The following SOD2 variants were observed in gnomAD, a reference collection of about 807,000 sequenced individuals.
SOD2 encodes superoxide dismutase [Mn], mitochondrial.
In SOD2, 11 loss-of-function variants were observed where a neutral mutation model predicts 27.0. The observed-to-expected ratio is 0.41, with a 90% CI of 0.26 to 0.67. The LOEUF is 0.67. SOD2 is among the 30% of genes least tolerant of loss of function. The pLI is 0.34. For synonymous variants in SOD2, 105 were observed against 103.0 expected (o/e 1.02, Z -0.12); for missense variants, 250 against 274.5 (o/e 0.91, Z 0.63).
At chr6:159,700,024 T>TA (rs1777496271) in intron 1 of SOD2, among the ~76,000 whole-genome samples, 1 of 152,254 alleles carries the variant, frequency 6.6e-6, no homozygotes, top group Non-Finnish European at 1.5e-5. Flanking sequence ...CATCTGCATT[T>TA]ACCCTCTGGT....
intron 1 of SOD2, among the ~76,000 whole-genome samples, chr6:159,732,885 T>TTGTGTG (rs1562452331): frequency 2.1e-4 from 12 of 56,914 alleles, no homozygotes; most frequent in Admixed American, 1.1e-3. Flanking sequence ...TATATATATA[T>TTGTGTG]AGTGTGTGTG....
At chr6:159,748,596 G>C, upstream of SOD2, 5 of 1,360,050 alleles carry the variant, frequency 3.7e-6, no homozygotes, top group South Asian at 4.2e-5. This position sits in a 1 kb window ranked among gnomAD's most constrained non-coding sequence, Gnocchi z 5.6. Flanking sequence ...TCAGAGGCCT[G>C]ATGGCGTCGG....
chr6:159,719,375 G>A (rs535776967), intron 1 of SOD2, among the ~76,000 whole-genome samples: 1 of 152,152 alleles, frequency 6.6e-6, no homozygotes, highest in African/African-American at 2.4e-5. Context: ...CTCTACTCAT[G>A]TCTCTAGCTG....
chr6:159,692,932 G>C, intron 1 of SOD2, 69 bp from the exon 2 acceptor site: 1 of 1,406,296 alleles, frequency 7.1e-7, no homozygotes, highest in Non-Finnish European at 9.4e-7. Context: ...GGGCTGCCGA[G>C]GAACGGCAGC....
rs577591293 is a variant in SOD2 at position 159,712,040 on chromosome 6, T to A, written c.-116+15089A>T. Among the ~76,000 whole-genome samples the A allele has an allele frequency of 4.0e-3, 80 of 20,026 alleles. 6 individuals are homozygous for A. The highest frequency in any genetic ancestry group is 8.5e-3 in the South Asian group (3 of 352). The allele number at this position is 20,026 out of a possible 152,430, so 13.1% of individuals were successfully genotyped here. On this transcript the variant is annotated intron_variant, in intron 1 of 2. Coordinates refer to the SOD2 transcript ENST00000401980. ...AACCACCACTCACACTGCTCAGACCTCCATAACCACCTCCATAACCACCAC... is the reference window on the plus strand; with the variant it reads ...AACCACCACTCACACTGCTCAGACCACCATAACCACCTCCATAACCACCAC...
At chr6:159,692,518 G>C (rs1292013767) in intron 2 of SOD2, 143 bp downstream of exon 2, 3 of 1,471,982 alleles carry the variant, frequency 2.0e-6, no homozygotes, top group Non-Finnish European at 2.7e-6. Flanking sequence ...GTTTAAAAGA[G>C]AGACTATCGT....
upstream of SOD2, among the ~76,000 whole-genome samples, chr6:159,729,296 G>A (rs184313790): frequency 2.0e-5 from 3 of 152,210 alleles, no homozygotes; most frequent in African/African-American, 7.2e-5. Flanking sequence ...TAGTATTTTG[G>A]TTTTATTCTT....
chr6:159,730,667 G>A (rs1235831175), upstream of SOD2, among the ~76,000 whole-genome samples: 2 of 152,208 alleles, frequency 1.3e-5, no homozygotes, highest in Non-Finnish European at 2.9e-5. Context: ...GATTAAAGTT[G>A]AGGAAGGATT....
intron 1 of SOD2, among the ~76,000 whole-genome samples, chr6:159,705,362 A>T (rs940617922): frequency 1.3e-5 from 2 of 152,210 alleles, no homozygotes; most frequent in African/African-American, 2.4e-5. Context: ...CAAAGAAGTT[A>T]AAAACCATGA....
At chr6:159,698,254 C>T, upstream of SOD2, among the ~76,000 whole-genome samples, 1 of 150,596 alleles carries the variant, frequency 6.6e-6, no homozygotes. Context: ...GCCTGGGCGA[C>T]AGAGTGGGAC....
chr6:159,720,946 C>T (rs948581124), intron 1 of SOD2, among the ~76,000 whole-genome samples: 2 of 143,250 alleles, frequency 1.4e-5, no homozygotes, highest in Non-Finnish European at 3.0e-5. Context: ...AACCTCTGCT[C>T]CTGGGTTCAA....
intron 2 of SOD2, among the ~76,000 whole-genome samples, chr6:159,688,998 A>G (rs933314151): frequency 5.9e-5 from 9 of 152,272 alleles, no homozygotes; most frequent in African/African-American, 1.9e-4. Flanking sequence ...TGGTGCCACT[A>G]TCCCCTCAGT....
At chr6:159,705,533 CAAAT>C (rs1177432668) in intron 1 of SOD2, among the ~76,000 whole-genome samples, 1 of 151,878 alleles carries the variant, frequency 6.6e-6, no homozygotes, top group Non-Finnish European at 1.5e-5. Flanking sequence ...GATTGAAGAT[CAAAT>C]GAATGAAATG....
upstream of SOD2, among the ~76,000 whole-genome samples, chr6:159,729,418 TCATTGTG>T (rs1245490246): frequency 1.3e-5 from 2 of 152,228 alleles, no homozygotes; most frequent in East Asian, 3.8e-4. Context: ...ATAGTAAACT[TCATTGTG>T]TATTGTGTAT....
chr6:159,745,861 G>A (rs910926915), upstream of SOD2, among the ~76,000 whole-genome samples: 1 of 152,148 alleles, frequency 6.6e-6, no homozygotes, highest in South Asian at 2.1e-4. Context: ...GGACAGAATA[G>A]GTGTTTTGGA....
intron 1 of SOD2, chr6:159,725,534 ATTAGT>A (rs1778141511): frequency 6.7e-6 from 1 of 150,334 alleles, no homozygotes. Flanking sequence ...TCTTAGTTAT[ATTAGT>A]TAACAGTTAA....
chr6:159,729,862 A>G (rs1298723200), upstream of SOD2, among the ~76,000 whole-genome samples: 9 of 152,158 alleles, frequency 5.9e-5, no homozygotes, highest in Admixed American at 5.9e-4. Context: ...CTCCGTTCAG[A>G]GGGAACTGAG....
intron 1 of SOD2, among the ~76,000 whole-genome samples, chr6:159,740,774 G>C (rs1207546309): frequency 1.3e-5 from 2 of 150,984 alleles, no homozygotes; most frequent in Non-Finnish European, 2.9e-5. Flanking sequence ...CGCGATCTCG[G>C]CTCACTGCAA....
At chr6:159,719,244 G>A (rs942779118) in intron 1 of SOD2, among the ~76,000 whole-genome samples, 7 of 152,060 alleles carry the variant, frequency 4.6e-5, no homozygotes, top group Non-Finnish European at 2.9e-5. Context: ...AAGAGAAGTC[G>A]GCTGGCATGG....
Sources: allele counts gnomAD v4.1 joint callset (sites outside exome capture counted in the v4.1 genomes callset), GRCh38; gene constraint gnomAD v4.1.1; non-coding constraint Gnocchi (gnomAD v3.1); transcripts MANE v1.5; gene names NCBI Gene and HGNC (gene_info 2026-07-23, HGNC 2026-07-21).